The following DCDC1 variants were observed in gnomAD, a reference collection of about 807,000 sequenced individuals.
The protein encoded by DCDC1 is doublecortin domain-containing protein 1.
In DCDC1, 200 loss-of-function variants were observed where a neutral mutation model predicts 178.3. The ratio of observed to expected loss-of-function variants is 1.12; its 90% CI spans 1.00 to 1.26. The LOEUF is 1.26. Among genes scored for constraint, DCDC1 ranks in the 50% most tolerant of loss-of-function variants. The probability of loss-of-function intolerance (pLI) is 0.00; values close to 1 mark genes in which losing one functional copy is unlikely to be tolerated. For synonymous variants in DCDC1, 690 were observed against 604.8 expected, an observed-to-expected ratio of 1.14 and a Z score of -2.07; for missense variants, 1,983 against 1,749.2, an observed-to-expected ratio of 1.13 and a Z score of -2.38.
chr11:31,008,347 AAC>A (rs1951975978), intron 20 of DCDC1, among the ~76,000 whole-genome samples: 1 of 152,122 alleles, frequency 6.6e-6, no homozygotes, highest in Non-Finnish European at 1.5e-5. Context: ...GACACAAAGA[AAC>A]AGAGTAAGAG....
At chr11:31,328,569 C>T (rs1050865695) in intron 2 of DCDC1, among the ~76,000 whole-genome samples, 3 of 152,068 alleles carry the variant, frequency 2.0e-5, no homozygotes, top group South Asian at 2.1e-4. Context: ...GAGGCCAAGG[C>T]GGGCGGATCA....
At chr11:30,982,863 G>C (rs370517855) in intron 20 of DCDC1, among the ~76,000 whole-genome samples, 1 of 152,170 alleles carries the variant, frequency 6.6e-6, no homozygotes, top group East Asian at 1.9e-4. Flanking sequence ...AGCCATCCAC[G>C]GGTTCTCAAA....
At chr11:31,230,389 T>C (rs1005798547) in intron 9 of DCDC1, among the ~76,000 whole-genome samples, 3 of 151,686 alleles carry the variant, frequency 2.0e-5, no homozygotes, top group African/African-American at 7.3e-5. Context: ...AGAAAAAATA[T>C]ATTAAGGGAC....
chr11:31,363,452 G>A (rs1159265350), intron 1 of DCDC1, among the ~76,000 whole-genome samples: 4 of 152,140 alleles, frequency 2.6e-5, no homozygotes, highest in Non-Finnish European at 4.4e-5. Context: ...ATTAAGTCAT[G>A]AATTTAATTT....
At chr11:31,019,660 G>A (rs759866211) in intron 20 of DCDC1, among the ~76,000 whole-genome samples, 3 of 151,852 alleles carry the variant, frequency 2.0e-5, no homozygotes, top group South Asian at 2.1e-4. Flanking sequence ...ATCATGTCAC[G>A]CCCCATTTAA....
intron 21 of DCDC1, among the ~76,000 whole-genome samples, chr11:30,946,011 C>T (rs1033352359): frequency 6.6e-6 from 1 of 152,080 alleles, no homozygotes. Flanking sequence ...AAGGTTCAAA[C>T]TTCTTAACAG....
At chr11:31,280,887 G>A (rs866845571) in intron 7 of DCDC1, 3 of 640,912 alleles carry the variant, frequency 4.7e-6, no homozygotes, top group Non-Finnish European at 8.9e-6. Context: ...AAGAGACCAT[G>A]GAGATTAGGC....
intron 20 of DCDC1, among the ~76,000 whole-genome samples, chr11:30,981,407 G>C (rs1950388447): frequency 6.6e-6 from 1 of 152,160 alleles, no homozygotes; most frequent in Non-Finnish European, 1.5e-5. Context: ...TATTTGTAAA[G>C]GAATAGAATG....
chr11:31,029,181 C>G (rs370384350), intron 20 of DCDC1, among the ~76,000 whole-genome samples: 1 of 151,944 alleles, frequency 6.6e-6, no homozygotes, highest in African/African-American at 2.4e-5. Flanking sequence ...AAATGATAAC[C>G]TTCTTTTCAA....
intron 1 of DCDC1, among the ~76,000 whole-genome samples, chr11:31,359,669 T>A (rs1951606317): frequency 6.6e-6 from 1 of 152,128 alleles, no homozygotes; most frequent in South Asian, 2.1e-4. Flanking sequence ...TGGGACTGGA[T>A]CACAAAGTTC....
chr11:30,996,387 A>G (rs1951272460), intron 20 of DCDC1, among the ~76,000 whole-genome samples: 1 of 152,190 alleles, frequency 6.6e-6, no homozygotes, highest in Non-Finnish European at 1.5e-5. Context: ...GTACATATTT[A>G]TAAAGTCAAA....
chr11:31,054,072 C>A (rs1565225811), intron 20 of DCDC1, among the ~76,000 whole-genome samples: 1 of 151,944 alleles, frequency 6.6e-6, no homozygotes, highest in Non-Finnish European at 1.5e-5. Context: ...ACCTTGAAAA[C>A]CCTAAGGACT....
chr11:31,122,477 G>A (rs573614388), intron 11 of DCDC1, among the ~76,000 whole-genome samples: 1 of 152,208 alleles, frequency 6.6e-6, no homozygotes, highest in South Asian at 2.1e-4. Flanking sequence ...CCTGCTTAAG[G>A]AAGGGGGTGA....
chr11:30,996,478 G>A (rs1308469733), intron 20 of DCDC1, among the ~76,000 whole-genome samples: 10 of 152,110 alleles, frequency 6.6e-5, no homozygotes, highest in Non-Finnish European at 1.5e-4. Flanking sequence ...CAAGAGTATT[G>A]GGAAGTGTGA....
intron 10 of DCDC1, among the ~76,000 whole-genome samples, chr11:31,135,857 GA>G (rs1247630360): frequency 6.6e-6 from 1 of 152,002 alleles, no homozygotes; most frequent in African/African-American, 2.4e-5. Context: ...TTCCAGAAAA[GA>G]TAATTTTCAT....
chr11:30,871,909 CAT>C (rs1565005900), intron 38 of DCDC1, among the ~76,000 whole-genome samples: 1 of 151,864 alleles, frequency 6.6e-6, no homozygotes, highest in Admixed American at 6.6e-5. Flanking sequence ...TATATACACA[CAT>C]ATATGTACAC....
chr11:31,040,787 A>G (rs1030238882), intron 20 of DCDC1, among the ~76,000 whole-genome samples: 3 of 152,196 alleles, frequency 2.0e-5, no homozygotes, highest in Non-Finnish European at 4.4e-5. Context: ...AAATAATAAA[A>G]TGTCTTAAAC....
chr11:31,346,514 C>T (rs1234517534), intron 1 of DCDC1, among the ~76,000 whole-genome samples: 2 of 148,426 alleles, frequency 1.3e-5, no homozygotes, highest in Non-Finnish European at 3.0e-5. Context: ...AAATGCAATG[C>T]ATAAATATTA....
At chr11:30,911,749 G>A (rs559489641) in intron 27 of DCDC1, among the ~76,000 whole-genome samples, 1 of 152,254 alleles carries the variant, frequency 6.6e-6, no homozygotes, top group Admixed American at 6.5e-5. Flanking sequence ...GCCCGGGCTT[G>A]CCTATTGCTC....
Sources: allele counts gnomAD v4.1 joint callset (sites outside exome capture counted in the v4.1 genomes callset), GRCh38; gene constraint gnomAD v4.1.1; transcripts MANE v1.5; gene names NCBI Gene and HGNC (gene_info 2026-07-23, HGNC 2026-07-21).